Variants in ARMH3 observed in about 807,000 individuals in gnomAD.
ARMH3 encodes the protein armadillo-like helical domain-containing protein 3.
In ARMH3, 60 loss-of-function variants were observed where a neutral mutation model predicts 99.1. The observed-to-expected ratio is 0.61, with a 90% CI of 0.49 to 0.75. The LOEUF (loss-of-function observed/expected upper bound fraction) is 0.75. Among genes scored for constraint, ARMH3 ranks in the 30% least tolerant of loss-of-function variants. The pLI, the probability that ARMH3 is intolerant of heterozygous loss-of-function variation, is 0.00. For missense variants in ARMH3, 679 were observed against 843.1 expected (o/e 0.81, Z 2.41); for synonymous variants, 285 against 292.8 (o/e 0.97, Z 0.27).
chr10:102,036,624 T>A (rs894213721), intron 2 of ARMH3, among the ~76,000 whole-genome samples: 2 of 152,024 alleles, frequency 1.3e-5, no homozygotes, highest in Non-Finnish European at 2.9e-5. Context: ...CAGGGTTAAA[T>A]GGATTAAGGG....
intron 1 of ARMH3, among the ~76,000 whole-genome samples, chr10:102,055,105 T>C (rs370750460): frequency 2.6e-5 from 4 of 150,944 alleles, no homozygotes; most frequent in African/African-American, 9.7e-5. Context: ...GCGGATCACC[T>C]GAGGTTGGGA....
At chr10:101,992,513 T>TTGTCG (rs1846848104) in intron 17 of ARMH3, among the ~76,000 whole-genome samples, 1 of 150,226 alleles carries the variant, frequency 6.7e-6, no homozygotes. Context: ...TTTTTTTTTT[T>TTGTCG]GAGACGGAGT....
At chr10:101,897,316 G>C (rs1439045136) in intron 23 of ARMH3, among the ~76,000 whole-genome samples, 2 of 152,172 alleles carry the variant, frequency 1.3e-5, no homozygotes, top group African/African-American at 4.8e-5. Flanking sequence ...ATTTTGTCCA[G>C]TTTCACTGTA....
At chr10:102,019,314 G>A (rs376287746) in intron 8 of ARMH3, among the ~76,000 whole-genome samples, 2 of 151,962 alleles carry the variant, frequency 1.3e-5, no homozygotes, top group Admixed American at 6.5e-5. Context: ...CTCCCAAAGT[G>A]CTGGGATTAC....
chr10:102,023,841 T>C, intron 6 of ARMH3, 92 bp from the exon 7 acceptor site: 2 of 1,201,290 alleles, frequency 1.7e-6, no homozygotes, highest in Non-Finnish European at 2.4e-6. Context: ...GAAACAAAAA[T>C]ATTAAAATAT....
chr10:101,890,316 T>C (rs949876734), intron 23 of ARMH3, among the ~76,000 whole-genome samples: 14 of 152,148 alleles, frequency 9.2e-5, no homozygotes, highest in African/African-American at 3.4e-4. Context: ...CAATCATGGC[T>C]CACTGCATCC....
chr10:101,980,630 C>T (rs1170883322), intron 19 of ARMH3, among the ~76,000 whole-genome samples: 1 of 152,028 alleles, frequency 6.6e-6, no homozygotes. Context: ...GGCTATAACC[C>T]GAGACAAAGA....
At chr10:101,955,230 G>A (rs1221327074) in intron 22 of ARMH3, among the ~76,000 whole-genome samples, 2 of 152,184 alleles carry the variant, frequency 1.3e-5, no homozygotes, top group Non-Finnish European at 2.9e-5. Flanking sequence ...GAGATTTGCT[G>A]TTGCATGGGC....
At chr10:101,896,489 A>G (rs2067839203) in intron 23 of ARMH3, among the ~76,000 whole-genome samples, 1 of 152,214 alleles carries the variant, frequency 6.6e-6, no homozygotes, top group Non-Finnish European at 1.5e-5. Context: ...ACAATATTCT[A>G]AAGTTAGATT....
At chr10:101,944,666 T>C (rs955085396) in intron 22 of ARMH3, among the ~76,000 whole-genome samples, 1 of 151,792 alleles carries the variant, frequency 6.6e-6, no homozygotes, top group African/African-American at 2.4e-5. Flanking sequence ...ATACAAAAAT[T>C]AGCCAACCAT....
chr10:101,858,342 G>GGTA (rs1214500084), intron 24 of ARMH3, among the ~76,000 whole-genome samples: 1 of 152,066 alleles, frequency 6.6e-6, no homozygotes, highest in African/African-American at 2.4e-5. Flanking sequence ...GATGGAGCTG[G>GGTA]GTAAGCCTGT....
chr10:102,005,138 G>A lies in ARMH3; in HGVS notation c.1048+1402C>T, dbSNP rs181550832. Among the ~76,000 whole-genome samples the A allele has an allele frequency of 1.7e-3, 258 of 152,050 alleles. 1 individual carries two copies. Among genetic ancestry groups the A allele is most frequent in the Middle Eastern group, 3.4e-3 (1 of 294 alleles). ...CTTGAACCTGGGAGGTGGAGGTTGCGGTGAGCTGAGATCGCACCCCTGCAC... is the reference window on the plus strand; with the variant it reads ...CTTGAACCTGGGAGGTGGAGGTTGCAGTGAGCTGAGATCGCACCCCTGCAC... On this transcript the variant is annotated intron_variant, in intron 14 of 25. Coordinates refer to ENST00000370033, the MANE Select transcript of ARMH3 (RefSeq NM_024541.3).
intron 13 of ARMH3, among the ~76,000 whole-genome samples, chr10:102,007,347 A>T (rs536082055): frequency 6.6e-6 from 1 of 151,550 alleles, no homozygotes; most frequent in Non-Finnish European, 1.5e-5. Context: ...AAAAAAAAAA[A>T]AAAAAACTGG....
intron 24 of ARMH3, among the ~76,000 whole-genome samples, chr10:101,882,328 G>A (rs1470286840): frequency 6.6e-6 from 1 of 152,156 alleles, no homozygotes; most frequent in African/African-American, 2.4e-5. Context: ...TTCTGTAAAG[G>A]TCTGCTATGA....
intron 1 of ARMH3, among the ~76,000 whole-genome samples, chr10:102,046,470 T>C (rs187169943): frequency 7.9e-5 from 12 of 152,078 alleles, no homozygotes; most frequent in Admixed American, 2.0e-4. Flanking sequence ...CTGACCAACA[T>C]GGAGAAACCC....
chr10:101,923,660 C>T (rs1175938325), intron 23 of ARMH3, among the ~76,000 whole-genome samples: 1 of 152,142 alleles, frequency 6.6e-6, no homozygotes, highest in Admixed American at 6.5e-5. Flanking sequence ...TTTTTACTGC[C>T]CTTTACTTGT....
At chr10:101,925,298 A>G (rs1843466495) in intron 23 of ARMH3, among the ~76,000 whole-genome samples, 2 of 152,248 alleles carry the variant, frequency 1.3e-5, no homozygotes, top group African/African-American at 4.8e-5. Context: ...TCTAGATGTC[A>G]TTCAATGCAG....
In ARMH3 at chr10:101,875,511, GT is replaced by G. The variant is rs970700394; in HGVS notation, c.1860+13900del. Among the ~76,000 whole-genome samples, 9 of 152,234 alleles carry G rather than the reference GT, an allele frequency of 5.9e-5. No homozygotes were observed. In the East Asian group the frequency reaches 1.4e-3, roughly 23 times the overall value. On this transcript the variant is annotated intron_variant, in intron 24 of 25. Transcript: ENST00000370033. ...CCACCCTGTATATAATAGGCAGAAG[GT>G]TTTTTCCCCCCTTTCTATTTTCATT...
chr10:101,914,864 C>CA (rs373264871), intron 23 of ARMH3, among the ~76,000 whole-genome samples: 33,724 of 66,468 alleles, frequency 0.51, 8,279 homozygotes, highest in East Asian at 0.7. Flanking sequence ...AAATCCATCT[C>CA]AAAAAAAAAA....
Sources: allele counts gnomAD v4.1 joint callset (sites outside exome capture counted in the v4.1 genomes callset), GRCh38; gene constraint gnomAD v4.1.1; transcripts MANE v1.5; gene names NCBI Gene and HGNC (gene_info 2026-07-23, HGNC 2026-07-21).